The following COG5 variants were observed in gnomAD, a reference collection of about 807,000 sequenced individuals.
The protein encoded by COG5 is component of oligomeric golgi complex 5, also known as conserved oligomeric Golgi complex subunit 5.
A neutral mutation model predicts 110.4 loss-of-function variants in COG5; 86 were observed. The ratio of observed to expected loss-of-function variants is 0.78; its 90% CI spans 0.65 to 0.93. The LOEUF is 0.93. Among genes scored for constraint, COG5 ranks in the 40% least tolerant of loss-of-function variants. The pLI, the probability that COG5 is intolerant of heterozygous loss-of-function variation, is 0.00. For synonymous variants in COG5, 360 were observed against 334.6 expected, an observed-to-expected ratio of 1.08 and a Z score of -0.83; for missense variants, 1,077 against 987.0, an observed-to-expected ratio of 1.09 and a Z score of -1.22.
intron 6 of COG5, among the ~76,000 whole-genome samples, chr7:107,417,664 C>T (rs972485959): frequency 6.6e-6 from 1 of 152,106 alleles, no homozygotes; most frequent in African/African-American, 2.4e-5. Flanking sequence ...ATGCTTTTTC[C>T]AATAATCTAT....
At chr7:107,253,404 C>A (rs1318745694) in intron 16 of COG5, among the ~76,000 whole-genome samples, 1 of 151,958 alleles carries the variant, frequency 6.6e-6, no homozygotes, top group African/African-American at 2.4e-5. Context: ...AATATTGGAG[C>A]CTCAGCAATC....
At chr7:107,221,279 G>T (rs1799907769) in intron 19 of COG5, among the ~76,000 whole-genome samples, 1 of 152,010 alleles carries the variant, frequency 6.6e-6, no homozygotes, top group South Asian at 2.1e-4. Flanking sequence ...AGACCCCAGG[G>T]GTGGGGGTGG....
At chr7:107,520,831 A>G (rs1007128292) in intron 6 of COG5, among the ~76,000 whole-genome samples, 1 of 152,306 alleles carries the variant, frequency 6.6e-6, no homozygotes. Context: ...GAGCTCATAT[A>G]GCCAAGACAA....
chr7:107,507,469 ATT>A (rs10577186), intron 6 of COG5, among the ~76,000 whole-genome samples: 26,427 of 113,826 alleles, frequency 0.23, 2,817 homozygotes, highest in East Asian at 0.35. Context: ...AATTTTTTGT[ATT>A]TTTTTTTTTT....
At chr7:107,347,066 C>T (rs944058512) in intron 10 of COG5, among the ~76,000 whole-genome samples, 4 of 151,486 alleles carry the variant, frequency 2.6e-5, no homozygotes, top group Admixed American at 1.3e-4. Flanking sequence ...TATTATATAC[C>T]CAAGCAATGA....
In COG5 at chr7:107,543,313, G is replaced by A. The variant is rs78576028; in HGVS notation, c.417+4798C>T. ...TGCGTCCCCCAACACCAGCCAGCTA[G>A]CAAGGAGACAGATGCTCGTTGAGGA... On this transcript the variant is annotated intron_variant, in intron 5 of 21. Transcript: ENST00000297135. Among the ~76,000 whole-genome samples, 585 of 152,278 alleles carry A rather than the reference G, an allele frequency of 3.8e-3. 6 individuals are homozygous for A. Among genetic ancestry groups the A allele is most frequent in the African/African-American group, 0.013 (539 of 41,552 alleles).
At chr7:107,479,915 A>G (rs1466993272) in intron 6 of COG5, among the ~76,000 whole-genome samples, 2 of 152,170 alleles carry the variant, frequency 1.3e-5, no homozygotes, top group Non-Finnish European at 2.9e-5. Flanking sequence ...GAAAATACCA[A>G]TGTATATGAA....
intron 7 of COG5, among the ~76,000 whole-genome samples, chr7:107,402,631 C>T (rs1007652471): frequency 4.6e-5 from 7 of 152,092 alleles, no homozygotes; most frequent in Non-Finnish European, 7.4e-5. Context: ...AAATAATGTC[C>T]TCTCCCTTTC....
intron 13 of COG5, among the ~76,000 whole-genome samples, chr7:107,281,755 C>T (rs1805187794): frequency 6.6e-6 from 1 of 152,116 alleles, no homozygotes; most frequent in Non-Finnish European, 1.5e-5. Context: ...AAGGAAATGA[C>T]AGCTCTTGAA....
chr7:107,415,591 C>T (rs1451782362), intron 6 of COG5, among the ~76,000 whole-genome samples: 1 of 151,544 alleles, frequency 6.6e-6, no homozygotes, highest in Non-Finnish European at 1.5e-5. Context: ...GATTCTGCTT[C>T]TGGGAATAAA....
chr7:107,326,499 A>G (rs949326608), intron 10 of COG5, among the ~76,000 whole-genome samples: 2 of 152,196 alleles, frequency 1.3e-5, no homozygotes, highest in Non-Finnish European at 2.9e-5. Flanking sequence ...GTGTTTCTAC[A>G]AACTAACAAT....
At chr7:107,403,759 C>T (rs1200644268) in intron 7 of COG5, among the ~76,000 whole-genome samples, 1 of 152,096 alleles carries the variant, frequency 6.6e-6, no homozygotes, top group Non-Finnish European at 1.5e-5. Flanking sequence ...ACCTGTTTAC[C>T]TCCCAAAGGC....
chr7:107,265,445 T>C (rs2116679022), intron 14 of COG5, among the ~76,000 whole-genome samples: 1 of 152,226 alleles, frequency 6.6e-6, no homozygotes, highest in Admixed American at 6.5e-5. Flanking sequence ...GGCCAGCTAA[T>C]TTTTAAATTT....
intron 6 of COG5, among the ~76,000 whole-genome samples, chr7:107,517,086 A>C (rs926501984): frequency 6.6e-6 from 1 of 152,200 alleles, no homozygotes; most frequent in Non-Finnish European, 1.5e-5. Flanking sequence ...TTCTAACCCA[A>C]TGCAAAGAAG....
At chr7:107,427,841 G>A (rs1350922644) in intron 6 of COG5, among the ~76,000 whole-genome samples, 1 of 152,060 alleles carries the variant, frequency 6.6e-6, no homozygotes, top group Non-Finnish European at 1.5e-5. Context: ...GACCATCAAG[G>A]GTTGAGAAGG....
rs779916031 is a variant in COG5, at chr7:107,372,592, T to C, written c.835+3A>G. Reference sequence around the variant, plus strand: ...AGAAGCTAAATATAAACCACATCCATACCTCTCACAGCTGACTGGGAAGGC... The same window carrying C: ...AGAAGCTAAATATAAACCACATCCACACCTCTCACAGCTGACTGGGAAGGC... On this transcript the variant is annotated splice_donor_region_variant and intron_variant, in intron 8 of 21. Transcript: ENST00000297135. The C allele has an allele frequency of 6.2e-7, 1 of 1,613,140 alleles. No individual in the cohort carries two copies. The highest frequency in any genetic ancestry group is 2.2e-5 in the East Asian group (1 of 44,804).
At chr7:107,311,310 A>G (rs547748956) in intron 11 of COG5, among the ~76,000 whole-genome samples, 7 of 150,958 alleles carry the variant, frequency 4.6e-5, no homozygotes, top group Non-Finnish European at 1.0e-4. Context: ...TAGATGAGAA[A>G]TAATGTCTCT....
At chr7:107,211,370 C>T in intron 19 of COG5, 145 bp from the exon 20 acceptor site, 1 of 872,684 alleles carries the variant, frequency 1.1e-6, no homozygotes. Context: ...TCTATTCAGC[C>T]TTGAGACGCC....
chr7:107,344,169 C>T (rs1811404993), intron 10 of COG5, among the ~76,000 whole-genome samples: 1 of 152,196 alleles, frequency 6.6e-6, no homozygotes. Flanking sequence ...GCATCTTCTT[C>T]TAAGGCTACT....
Sources: gnomAD v4.1 joint callset for allele counts (sites outside exome capture counted in the v4.1 genomes callset) on GRCh38, gnomAD v4.1.1 for gene constraint, MANE v1.5 for transcripts, NCBI Gene and HGNC (gene_info 2026-07-23, HGNC 2026-07-21) for gene names.